GRID1: variants seen among roughly 807,000 people sequenced by gnomAD.
The protein encoded by GRID1 is glutamate ionotropic receptor delta type subunit 1.
A neutral mutation model predicts 98.0 loss-of-function variants in GRID1; 28 were observed. The ratio of observed to expected loss-of-function variants is 0.29; its 90% CI spans 0.21 to 0.39. The LOEUF (loss-of-function observed/expected upper bound fraction) is 0.39. Among genes scored for constraint, GRID1 ranks in the 10% least tolerant of loss-of-function variants. GRID1 has a pLI of 1.00. For missense variants in GRID1, 1,111 were observed against 1,340.5 expected, an observed-to-expected ratio of 0.83 and a Z score of 2.67; for synonymous variants, 553 against 538.5, an observed-to-expected ratio of 1.03 and a Z score of -0.37.
chr10:85,938,739 T>C (rs993365297), intron 4 of GRID1, among the ~76,000 whole-genome samples: 3 of 152,152 alleles, frequency 2.0e-5, no homozygotes, highest in Admixed American at 6.5e-5. Context: ...TAACAATAGA[T>C]TAGAAACAGG....
At chr10:86,250,732 C>T (rs891857473) in intron 2 of GRID1, among the ~76,000 whole-genome samples, 12 of 151,920 alleles carry the variant, frequency 7.9e-5, no homozygotes, top group South Asian at 2.1e-4. Context: ...AGGTGGGGGG[C>T]GCCTCTGCCC....
rs143381398 is a variant in GRID1, at chr10:85,857,462, T to TG, written c.952-1273dup. ...TCCCAGGGGCCCAGCGGGAGCCCAA[T>TG]GGGGGAGAAGGACAGCTCTGTTCTC... is the stretch of plus-strand genomic sequence containing the variant. On this transcript the variant is annotated intron_variant, in intron 6 of 15. Coordinates refer to ENST00000327946, the MANE Select transcript of GRID1 (RefSeq NM_017551.3). 5.4e-3 allele frequency among the ~76,000 whole-genome samples: 823 copies of TG among 151,704 alleles called. 6 individuals carry two copies. The highest frequency in any genetic ancestry group is 0.018 in the African/African-American group (755 of 41,352).
intron 12 of GRID1, among the ~76,000 whole-genome samples, chr10:85,658,988 G>C (rs972446174): frequency 2.0e-5 from 3 of 152,216 alleles, no homozygotes; most frequent in Admixed American, 1.3e-4. Flanking sequence ...TTTTGTGGAA[G>C]TGCAAAGATA....
At chr10:86,048,509 A>G (rs540757348) in intron 4 of GRID1, among the ~76,000 whole-genome samples, 4 of 152,390 alleles carry the variant, frequency 2.6e-5, no homozygotes, top group Non-Finnish European at 4.4e-5. Flanking sequence ...GAGCAGAGGC[A>G]TGCCAAAAGA....
At chr10:86,303,123 T>G (rs1480709059) in intron 2 of GRID1, among the ~76,000 whole-genome samples, 1 of 152,248 alleles carries the variant, frequency 6.6e-6, no homozygotes, top group Non-Finnish European at 1.5e-5. Context: ...CTGCTAGGCA[T>G]GAAATGTAGG....
intron 12 of GRID1, among the ~76,000 whole-genome samples, chr10:85,712,419 ATATGT>A (rs1294490499): frequency 1.3e-5 from 2 of 151,864 alleles, no homozygotes; most frequent in South Asian, 2.1e-4. Flanking sequence ...CAACACATAA[ATATGT>A]TATGTAAATT....
chr10:86,234,777 C>A (rs1846509547), intron 2 of GRID1, among the ~76,000 whole-genome samples: 1 of 146,274 alleles, frequency 6.8e-6, no homozygotes, highest in South Asian at 2.4e-4. Context: ...AAAGCAGCCT[C>A]CATGGTCCAT....
At chr10:86,157,212 C>A (rs182086511) in intron 3 of GRID1, among the ~76,000 whole-genome samples, 2 of 152,300 alleles carry the variant, frequency 1.3e-5, no homozygotes, top group East Asian at 3.9e-4. Flanking sequence ...TAATCAGATG[C>A]TTGAAAACTT....
At chr10:85,876,023 C>A (rs908173618) in intron 5 of GRID1, among the ~76,000 whole-genome samples, 2 of 152,184 alleles carry the variant, frequency 1.3e-5, no homozygotes, top group African/African-American at 2.4e-5. Context: ...TTTTATCTCA[C>A]TCTTGAAAGA....
At chr10:85,781,420 A>G (rs911402171) in intron 8 of GRID1, among the ~76,000 whole-genome samples, 18 of 152,310 alleles carry the variant, frequency 1.2e-4, no homozygotes, top group Admixed American at 1.0e-3. Flanking sequence ...TGAAATCCAT[A>G]TAGTTACTTT....
chr10:85,878,750 G>T (rs1840946988), intron 5 of GRID1, among the ~76,000 whole-genome samples: 1 of 151,946 alleles, frequency 6.6e-6, no homozygotes, highest in Non-Finnish European at 1.5e-5. Context: ...ATAATGACAG[G>T]ATCAAATTCA....
At chr10:85,627,381 A>G (rs1443499771) in intron 13 of GRID1, among the ~76,000 whole-genome samples, 1 of 152,224 alleles carries the variant, frequency 6.6e-6, no homozygotes, top group Non-Finnish European at 1.5e-5. Context: ...CATATGGTAA[A>G]CGCTAAATAA....
intron 5 of GRID1, among the ~76,000 whole-genome samples, chr10:85,873,332 A>G (rs1272407230): frequency 6.6e-6 from 1 of 152,250 alleles, no homozygotes; most frequent in Non-Finnish European, 1.5e-5. Flanking sequence ...GAGCAGAAGA[A>G]GCAAGATAAT....
rs914584050 is a variant in GRID1 at position 86,037,147 on chromosome 10, C to A, written c.726+101672G>T. Among the ~76,000 whole-genome samples, 3 of 152,304 alleles carry A rather than the reference C, an allele frequency of 2.0e-5. No individual in the cohort carries two copies. The South Asian group carries it at 6.2e-4, about 32-fold the overall frequency. ...GAGGTAGCTAGAAATATCATCGAAC[C>A]TGCCGTCCAAGCTTTGAGCAACAAA... On this transcript the variant is annotated intron_variant, in intron 4 of 15. Transcript: ENST00000327946.
intron 3 of GRID1, among the ~76,000 whole-genome samples, chr10:86,186,273 T>C (rs1328255699): frequency 6.6e-6 from 1 of 152,234 alleles, no homozygotes; most frequent in South Asian, 2.1e-4. Flanking sequence ...ACCTTTCTCA[T>C]TTCTGAAGTT....
At chr10:85,771,149 G>C (rs1267527842) in intron 8 of GRID1, among the ~76,000 whole-genome samples, 1 of 152,218 alleles carries the variant, frequency 6.6e-6, no homozygotes, top group Admixed American at 6.5e-5. Context: ...CAAGCCAGAA[G>C]AGAGTGGGGG....
At chr10:85,743,730 C>T (rs935314394) in intron 8 of GRID1, among the ~76,000 whole-genome samples, 6 of 151,936 alleles carry the variant, frequency 3.9e-5, no homozygotes, top group Non-Finnish European at 8.8e-5. Context: ...TTGCACGAAC[C>T]TAATATCTAG....
intron 3 of GRID1, among the ~76,000 whole-genome samples, chr10:86,181,696 AT>A (rs1264933123): frequency 6.6e-6 from 1 of 152,186 alleles, no homozygotes; most frequent in Non-Finnish European, 1.5e-5. Context: ...TTCCATAACT[AT>A]TTCAAGGAGC....
At chr10:85,776,251 T>G (rs551340672) in intron 8 of GRID1, among the ~76,000 whole-genome samples, 16 of 152,256 alleles carry the variant, frequency 1.1e-4, no homozygotes, top group Non-Finnish European at 1.9e-4. Flanking sequence ...GGCCCAGGAA[T>G]AAGCACTTCA....
Sources: allele counts gnomAD v4.1 joint callset (sites outside exome capture counted in the v4.1 genomes callset), GRCh38; gene constraint gnomAD v4.1.1; transcripts MANE v1.5; gene names NCBI Gene and HGNC (gene_info 2026-07-23, HGNC 2026-07-21).